ASB3: variants seen among roughly 807,000 people sequenced by gnomAD.
ASB3 encodes the protein ankyrin repeat and SOCS box protein 3.
A neutral mutation model predicts 54.5 loss-of-function variants in ASB3; 41 were observed. The observed-to-expected ratio is 0.75, with a 90% confidence interval of 0.59 to 0.98. The LOEUF is 0.98. Ranked by LOEUF, ASB3 falls within the 50% of genes least tolerant of loss-of-function variation. ASB3 has a pLI of 0.00. For missense variants in ASB3, 733 were observed against 620.0 expected (o/e 1.18, Z -1.94); for synonymous variants, 266 against 221.2 (o/e 1.20, Z -1.80).
chr2:53,694,096 T>A, intron 8 of ASB3, 82 bp from the exon 9 acceptor site: 1 of 1,490,146 alleles, frequency 6.7e-7, no homozygotes, highest in East Asian at 2.3e-5. Context: ...ACATACCTAT[T>A]CTTACAAAAT....
In ASB3 at chr2:53,760,957, T is replaced by C. The variant is rs576101073; in HGVS notation, c.196+4420A>G. ...AACAGCCTGCTAGCCCATGCTCCGA[T>C]GTTAATGACATTGAAGGCACTCCTC... is the stretch of plus-strand genomic sequence containing the variant. On this transcript the variant is annotated intron_variant, in intron 2 of 9. Coordinates refer to ENST00000263634, the MANE Select transcript of ASB3 (RefSeq NM_016115.5). Among the ~76,000 whole-genome samples, 6 of 152,318 alleles carry C rather than the reference T, an allele frequency of 3.9e-5. No homozygotes were observed. The East Asian group carries it at 5.8e-4, about 15-fold the overall frequency.
At chr2:53,749,408 A>G (rs1460885484) in intron 3 of ASB3, among the ~76,000 whole-genome samples, 2 of 152,124 alleles carry the variant, frequency 1.3e-5, no homozygotes, top group East Asian at 3.9e-4. Flanking sequence ...TTGTTTCCCA[A>G]AGTTAAACAT....
At chr2:53,709,359 G>A (rs62137565) in intron 7 of ASB3, among the ~76,000 whole-genome samples, 26,519 of 152,206 alleles carry the variant, frequency 0.17, 2,350 homozygotes, top group South Asian at 0.23. Context: ...AAGAGTTGAG[G>A]TTTGGGAGAC....
At chr2:53,750,551 G>C (rs963396333) in intron 3 of ASB3, among the ~76,000 whole-genome samples, 14 of 152,094 alleles carry the variant, frequency 9.2e-5, no homozygotes, top group African/African-American at 3.4e-4. Context: ...ATTCGAAACA[G>C]ATTTTGCAAC....
intron 1 of ASB3, among the ~76,000 whole-genome samples, chr2:53,785,561 G>T (rs796245960): frequency 1.3e-5 from 2 of 152,260 alleles, no homozygotes; most frequent in Non-Finnish European, 2.9e-5. Context: ...AGCCCAGGGG[G>T]GCCAGGCACA....
At chr2:53,727,066 G>C (rs1671042966) in intron 5 of ASB3, among the ~76,000 whole-genome samples, 3 of 152,188 alleles carry the variant, frequency 2.0e-5, no homozygotes, top group African/African-American at 7.2e-5. Context: ...AGGAAGATCA[G>C]AAGTCAGAAG....
intron 2 of ASB3, among the ~76,000 whole-genome samples, chr2:53,751,242 T>TTTA (rs1176161281): frequency 1.3e-5 from 2 of 152,160 alleles, no homozygotes; most frequent in Non-Finnish European, 2.9e-5. Flanking sequence ...AAAGCAATAG[T>TTTA]CTGAGGAGGA....
At chr2:53,681,767 T>C (rs899403465) in intron 9 of ASB3, among the ~76,000 whole-genome samples, 15 of 152,212 alleles carry the variant, frequency 9.9e-5, no homozygotes, top group African/African-American at 2.2e-4. Flanking sequence ...TATGGCTTTG[T>C]AGTACAATTT....
chr2:53,720,848 A>G (rs1191228999), intron 5 of ASB3, among the ~76,000 whole-genome samples: 1 of 152,060 alleles, frequency 6.6e-6, no homozygotes, highest in Non-Finnish European at 1.5e-5. Context: ...AGCACATCTC[A>G]ATAAATTTAA....
chr2:53,700,129 C>T, intron 8 of ASB3, 142 bp downstream of exon 8: 1 of 1,308,566 alleles, frequency 7.6e-7, no homozygotes, highest in Non-Finnish European at 1.0e-6. Flanking sequence ...TTATTAGCAG[C>T]CACCAACTCC....
At chr2:53,681,893 C>T (rs1288668543) in intron 9 of ASB3, among the ~76,000 whole-genome samples, 3 of 152,042 alleles carry the variant, frequency 2.0e-5, no homozygotes, top group African/African-American at 4.8e-5. Flanking sequence ...GGCGCGGTGG[C>T]TCATGCCTGT....
chr2:53,728,888 G>C, intron 4 of ASB3, 41 bp from the exon 5 acceptor site: 2 of 1,531,486 alleles, frequency 1.3e-6, no homozygotes, highest in Non-Finnish European at 1.8e-6. Flanking sequence ...AAAAAACAAA[G>C]AAAATAGAAG....
At chr2:53,746,835 T>C (rs1203747886) in intron 3 of ASB3, among the ~76,000 whole-genome samples, 1 of 152,132 alleles carries the variant, frequency 6.6e-6, no homozygotes, top group East Asian at 1.9e-4. Flanking sequence ...TTTTAAATAC[T>C]ATATTGGCCA....
At chr2:53,720,864 T>C (rs1370032967) in intron 5 of ASB3, among the ~76,000 whole-genome samples, 1 of 151,892 alleles carries the variant, frequency 6.6e-6, no homozygotes, top group African/African-American at 2.4e-5. Flanking sequence ...TTTAAAAAAC[T>C]GATTCACTTG....
chr2:53,748,914 A>G (rs1672372834), intron 3 of ASB3, among the ~76,000 whole-genome samples: 2 of 152,160 alleles, frequency 1.3e-5, no homozygotes. Flanking sequence ...TAAGATTATG[A>G]TCATCATATG....
At chr2:53,739,469 G>GA (rs1671815115) in intron 3 of ASB3, among the ~76,000 whole-genome samples, 1 of 152,104 alleles carries the variant, frequency 6.6e-6, no homozygotes, top group Non-Finnish European at 1.5e-5. Context: ...ATTCATTAAA[G>GA]AAAAAGCTTT....
chr2:53,763,104 A>G (rs1045751722), intron 2 of ASB3, among the ~76,000 whole-genome samples: 2 of 152,212 alleles, frequency 1.3e-5, no homozygotes, highest in South Asian at 4.1e-4. Flanking sequence ...AAAAGACAGC[A>G]GGTGTGATGC....
At chr2:53,734,148 A>G (rs181791722) in intron 3 of ASB3, among the ~76,000 whole-genome samples, 31 of 152,262 alleles carry the variant, frequency 2.0e-4, no homozygotes, top group African/African-American at 7.0e-4. Flanking sequence ...CAAACATGTC[A>G]CAGTGCTGCA....
chr2:53,696,879 G>A (rs114753820), intron 8 of ASB3, among the ~76,000 whole-genome samples: 239 of 152,212 alleles, frequency 1.6e-3, no homozygotes, highest in African/African-American at 5.6e-3. Context: ...TTATATAAGG[G>A]ACTTGAGCAT....
Sources: allele counts gnomAD v4.1 joint callset (sites outside exome capture counted in the v4.1 genomes callset), GRCh38; gene constraint gnomAD v4.1.1; transcripts MANE v1.5; gene names NCBI Gene and HGNC (gene_info 2026-07-23, HGNC 2026-07-21).